MDGA2: variants seen among roughly 807,000 people sequenced by gnomAD.
The protein encoded by MDGA2 is MAM domain-containing glycosylphosphatidylinositol anchor protein 2.
MDGA2 carries 40 observed loss-of-function variants against 117.8 expected under a neutral mutation model. That is an observed-to-expected ratio of 0.34 (90% CI 0.26 to 0.44). The LOEUF (loss-of-function observed/expected upper bound fraction) is 0.44, where lower values mean the gene tolerates loss of function less well. Ranked by LOEUF, MDGA2 falls within the 20% of genes least tolerant of loss-of-function variation. The probability of loss-of-function intolerance (pLI) is 1.00; values close to 1 mark genes in which losing one functional copy is unlikely to be tolerated. For missense variants in MDGA2, 1,123 were observed against 1,250.6 expected, an observed-to-expected ratio of 0.90 and a Z score of 1.54; for synonymous variants, 452 against 439.0, an observed-to-expected ratio of 1.03 and a Z score of -0.37.
chr14:47,219,182 C>T (rs1486185002), intron 2 of MDGA2, among the ~76,000 whole-genome samples: 1 of 152,010 alleles, frequency 6.6e-6, no homozygotes, highest in East Asian at 1.9e-4. Context: ...AAACTAAATA[C>T]TGAATCATCA....
intron 6 of MDGA2, among the ~76,000 whole-genome samples, chr14:47,064,132 A>T (rs138817077): frequency 1.3e-4 from 20 of 152,202 alleles, no homozygotes; most frequent in African/African-American, 4.3e-4. Context: ...AATACATAAG[A>T]TTATATGTAA....
Position 47,674,518 on chromosome 14 carries a change from G to A in MDGA2, c.279C>T (p.Tyr93=). 1 of 1,550,190 alleles carries A rather than the reference G, an allele frequency of 6.5e-7. No individual in the cohort carries two copies. The change falls in exon 1 of 17, where the codon TAC becomes TAT. Residue 93 remains tyrosine (Y), a splice_region_variant and synonymous_variant. Coordinates refer to ENST00000399232, the MANE Select transcript of MDGA2 (RefSeq NM_001113498.3). The stretch of plus-strand genomic sequence containing the variant: ...CGATAGCGTCGCGATTCCACTCACC[G>A]TACACTCCTTGGCCAGAGATCCCCT... ...LLEGISGQGV[Y]APPTVRIVHS...
chr14:47,351,174 C>T (rs1268470830), intron 1 of MDGA2, among the ~76,000 whole-genome samples: 5 of 149,778 alleles, frequency 3.3e-5, no homozygotes. Context: ...CTCTGCCTCC[C>T]GGGTTCAAGC....
chr14:47,367,463 C>T (rs767005696), intron 1 of MDGA2, among the ~76,000 whole-genome samples: 17 of 152,190 alleles, frequency 1.1e-4, no homozygotes, highest in Non-Finnish European at 2.2e-4. Context: ...TAATTTGTTT[C>T]TATTTTCCTA....
At chr14:47,644,683 T>C (rs1372929998) in intron 1 of MDGA2, among the ~76,000 whole-genome samples, 3 of 151,216 alleles carry the variant, frequency 2.0e-5, no homozygotes, top group Middle Eastern at 6.9e-3. Context: ...TACTGTAAAT[T>C]TGAAAAAAAA....
At chr14:47,301,670 G>T in intron 1 of MDGA2, 120 bp from the exon 2 acceptor site, 1 of 1,057,020 alleles carries the variant, frequency 9.5e-7, no homozygotes, top group Non-Finnish European at 1.4e-6. Context: ...AGATTAGTCA[G>T]ATTCATCAGT....
At chr14:47,478,500 T>C (rs544069137) in intron 1 of MDGA2, among the ~76,000 whole-genome samples, 4 of 151,832 alleles carry the variant, frequency 2.6e-5, no homozygotes, top group Non-Finnish European at 5.9e-5. Flanking sequence ...CTCAGCCTCC[T>C]GAGAGCTGGG....
At chr14:47,647,069 C>T (rs1423467582) in intron 1 of MDGA2, among the ~76,000 whole-genome samples, 1 of 152,088 alleles carries the variant, frequency 6.6e-6, no homozygotes, top group Non-Finnish European at 1.5e-5. Context: ...TAATCTTTAG[C>T]TCTATCATCA....
At chr14:47,433,439 CTGAAA>C (rs1892838062) in intron 1 of MDGA2, among the ~76,000 whole-genome samples, 1 of 152,060 alleles carries the variant, frequency 6.6e-6, no homozygotes, top group Non-Finnish European at 1.5e-5. Flanking sequence ...GACAAGAGAA[CTGAAA>C]TAATTTAAAA....
At chr14:47,107,297 A>G (rs1282059295) in intron 5 of MDGA2, among the ~76,000 whole-genome samples, 1 of 152,042 alleles carries the variant, frequency 6.6e-6, no homozygotes, top group Non-Finnish European at 1.5e-5. Context: ...CTAAAACCAG[A>G]CAAGTCTTAC....
chr14:46,880,917 T>G (rs893018543), intron 11 of MDGA2, among the ~76,000 whole-genome samples: 1 of 151,780 alleles, frequency 6.6e-6, no homozygotes, highest in African/African-American at 2.4e-5. Context: ...TTTTTCAAAG[T>G]TCTGCACTAA....
intron 6 of MDGA2, among the ~76,000 whole-genome samples, chr14:47,087,909 C>T (rs1052589400): frequency 1.3e-5 from 2 of 151,366 alleles, no homozygotes; most frequent in Admixed American, 6.6e-5. Context: ...TAACCAGTGC[C>T]GACTTTTAGA....
chr14:47,262,025 C>T (rs1412724598), intron 2 of MDGA2, among the ~76,000 whole-genome samples: 1 of 152,060 alleles, frequency 6.6e-6, no homozygotes, highest in Non-Finnish European at 1.5e-5. Context: ...TAGTCACTTC[C>T]AGAATCCAGA....
chr14:47,301,300 CACACACACA>C lies in MDGA2; in HGVS notation c.420+102_420+110del, dbSNP rs1566728464. The C allele has an allele frequency of 2.0e-5, 7 of 343,942 alleles. No individual in the cohort carries two copies. The African/African-American group carries it at 2.8e-4, about 14-fold the overall frequency. The allele number at this position is 343,942 out of a possible 1,614,324, so 21.3% of individuals were successfully genotyped here. A position where few individuals can be genotyped will look rare whatever the true frequency, so the allele number is the denominator to read the frequency against. Reference sequence around the variant, plus strand: ...ACACACACACCCACACCCACCCACACACACACACACACACACACACAGTTTTAGCTAAAT... The same window carrying C: ...ACACACACACCCACACCCACCCACACCACACACACACAGTTTTAGCTAAAT... On this transcript the variant is annotated intron_variant, in intron 2 of 16. Coordinates refer to ENST00000399232, the MANE Select transcript of MDGA2 (RefSeq NM_001113498.3).
intron 9 of MDGA2, among the ~76,000 whole-genome samples, chr14:46,943,776 T>C (rs1885076679): frequency 1.3e-5 from 2 of 152,130 alleles, no homozygotes; most frequent in Admixed American, 6.6e-5. Context: ...AAACTGGAGA[T>C]TGATTGGCAG....
chr14:47,229,111 C>CAGGT (rs1886603536), intron 2 of MDGA2, among the ~76,000 whole-genome samples: 1 of 152,146 alleles, frequency 6.6e-6, no homozygotes, highest in African/African-American at 2.4e-5. Flanking sequence ...ACCTGGCAAA[C>CAGGT]AGGTATGGTA....
At chr14:47,640,442 G>A (rs1897403370) in intron 1 of MDGA2, among the ~76,000 whole-genome samples, 1 of 152,042 alleles carries the variant, frequency 6.6e-6, no homozygotes, top group East Asian at 1.9e-4. Context: ...TCTTCCTTAT[G>A]GTTGCTCTTT....
intron 1 of MDGA2, among the ~76,000 whole-genome samples, chr14:47,317,240 C>A (rs1889835571): frequency 6.6e-6 from 1 of 152,076 alleles, no homozygotes; most frequent in East Asian, 1.9e-4. Flanking sequence ...TAATAAATAG[C>A]TGTACAGGTA....
At chr14:46,965,701 T>TA (rs1886000696) in intron 8 of MDGA2, among the ~76,000 whole-genome samples, 1 of 152,176 alleles carries the variant, frequency 6.6e-6, no homozygotes, top group Non-Finnish European at 1.5e-5. Context: ...GTGAGAAGGA[T>TA]AGGCCTTTGC....
Sources: gnomAD v4.1 joint callset for allele counts (sites outside exome capture counted in the v4.1 genomes callset) on GRCh38, gnomAD v4.1.1 for gene constraint, MANE v1.5 for transcripts, NCBI Gene and HGNC (gene_info 2026-07-23, HGNC 2026-07-21) for gene names.